The following SMG1 variants were observed in gnomAD, a reference collection of about 807,000 sequenced individuals.
The protein encoded by SMG1 is SMG1 nonsense mediated mRNA decay associated PI3K related kinase, also known as serine/threonine-protein kinase SMG1.
SMG1 carries 22 observed loss-of-function variants against 419.9 expected under a neutral mutation model. The observed-to-expected ratio is 0.05, with a 90% CI of 0.04 to 0.07. The LOEUF (loss-of-function observed/expected upper bound fraction) is 0.07, where lower values mean the gene tolerates loss of function less well. Among genes scored for constraint, SMG1 ranks in the 10% least tolerant of loss-of-function variants. The probability of loss-of-function intolerance (pLI) is 1.00; values close to 1 mark genes in which losing one functional copy is unlikely to be tolerated. For synonymous variants in SMG1, 1,538 were observed against 1,553.5 expected (o/e 0.99, Z 0.23); for missense variants, 3,185 against 4,342.0 (o/e 0.73, Z 7.49).
At position 18,834,452 on chromosome 16, in the gene SMG1, A is replaced by G. The variant is rs143227223; in HGVS notation, c.8331-14T>C. ...ATCAGGTTACGCCTACAAGAGATAA[A>G]TATCTGTACAGTGAAACTTAAATGT... On this transcript the variant is annotated splice_polypyrimidine_tract_variant and intron_variant, in intron 49 of 62. Coordinates refer to ENST00000446231, the MANE Select transcript of SMG1 (RefSeq NM_015092.5). The G allele has an allele frequency of 2.2e-5, 35 of 1,606,486 alleles. No individual in the cohort carries two copies. The highest frequency in any genetic ancestry group is 6.8e-5 in the Admixed American group (4 of 59,190).
intron 23 of SMG1, chr16:18,866,410 T>C (rs1340851247): frequency 5.1e-6 from 3 of 591,894 alleles, no homozygotes; most frequent in Non-Finnish European, 9.0e-6. Flanking sequence ...ACAGTGTGAT[T>C]TGCCACTAAT....
At chr16:18,855,834 C>G (rs180910680) in intron 29 of SMG1, among the ~76,000 whole-genome samples, 9 of 152,192 alleles carry the variant, frequency 5.9e-5, no homozygotes, top group Non-Finnish European at 1.0e-4. Flanking sequence ...AAGGGTAAAT[C>G]TGAACATTTC....
At position 18,886,123 on chromosome 16, in the gene SMG1, C is replaced by CT. The variant is rs1290325856; in HGVS notation, c.823-458dup. On this transcript the variant is annotated intron_variant, in intron 6 of 62. Transcript: ENST00000446231. ...TGTTTACAATATCCCTAAATGCTCTCTTTAAGATTCTACCTGTGATTAAAT... is the reference window on the plus strand; with the variant it reads ...TGTTTACAATATCCCTAAATGCTCTCTTTTAAGATTCTACCTGTGATTAAAT... Among the ~76,000 whole-genome samples the CT allele has an allele frequency of 3.9e-5, 6 of 151,912 alleles. No individual in the cohort carries two copies. In the East Asian group the frequency reaches 1.2e-3, roughly 29 times the overall value.
At chr16:18,880,620 T>G (rs1163986227) in intron 10 of SMG1, among the ~76,000 whole-genome samples, 2 of 145,090 alleles carry the variant, frequency 1.4e-5, no homozygotes, top group African/African-American at 5.2e-5. Flanking sequence ...GAGGCTGAGG[T>G]GGGAGGATCA....
intron 55 of SMG1, among the ~76,000 whole-genome samples, chr16:18,821,253 T>TTTTTTTTTTTTTTTTTTTTTTTC (rs2032535390): frequency 4.0e-5 from 1 of 24,846 alleles, no homozygotes; most frequent in African/African-American, 2.3e-4. Context: ...TTTTTTTTTC[T>TTTTTTTTTTTTTTTTTTTTTTTC]TTTTTTTTTT....
chr16:18,834,784 T>C lies in SMG1; in HGVS notation c.8330+108A>G. ...AGATAACTAAAATCTGAAAAGCAAG[T>C]AAGCAGCTGTAACACTTGGCAAGAC... On this transcript the variant is annotated intron_variant, in intron 49 of 62. Coordinates refer to ENST00000446231, the MANE Select transcript of SMG1 (RefSeq NM_015092.5). 3.3e-6 allele frequency: 4 copies of C among 1,196,366 alleles called. No individual in the cohort carries two copies. In the South Asian group the frequency reaches 5.9e-5, roughly 18 times the overall value. The allele number at this position is 1,196,366 out of a possible 1,614,324, so 74.1% of individuals were successfully genotyped here.
chr16:18,842,205 T>C lies in SMG1; in HGVS notation c.6466+3A>G. The C allele has an allele frequency of 6.2e-7, 1 of 1,610,960 alleles. No individual in the cohort carries two copies. The highest frequency in any genetic ancestry group is 2.2e-5 in the East Asian group (1 of 44,842). On this transcript the variant is annotated splice_donor_region_variant and intron_variant, in intron 40 of 62. Transcript: ENST00000446231. ...GAAAAATGGAGGAAGTCTTAAATCC[T>C]ACCTTTGAAAAGATAAGGATAGCTC...
intron 58 of SMG1, chr16:18,815,889 G>T (rs893839373): frequency 5.9e-6 from 3 of 509,510 alleles, no homozygotes; most frequent in African/African-American, 5.8e-5. Context: ...GCCTTTTCTG[G>T]AGGCTTAGTT....
At chr16:18,844,882 C>T (rs996005365) in intron 39 of SMG1, among the ~76,000 whole-genome samples, 33 of 151,996 alleles carry the variant, frequency 2.2e-4, no homozygotes, top group African/African-American at 8.0e-4. Flanking sequence ...AAGATAAAGA[C>T]CTAAGAGAAT....
chr16:18,817,566 T>G, intron 56 of SMG1, 96 bp from the exon 57 acceptor site: 1 of 1,018,298 alleles, frequency 9.8e-7, no homozygotes, highest in Non-Finnish European at 1.4e-6. Context: ...CTTCCTCATT[T>G]TGAGAATTCA....
intron 56 of SMG1, 92 bp from the exon 57 acceptor site, chr16:18,817,562 C>CAA (rs991245370): frequency 1.7e-5 from 18 of 1,038,682 alleles, no homozygotes; most frequent in Non-Finnish European, 2.0e-5. Flanking sequence ...ACTACTTCCT[C>CAA]ATTTTGAGAA....
In SMG1 at chr16:18,838,077, G is replaced by A; in HGVS notation, c.7350C>T (p.Ser2450=). Residue 2450 remains serine (S), a synonymous_variant, in exon 45 of 63, where the codon AGC becomes AGT. Transcript: ENST00000446231. ...TGATCTCTCGCTCCATCTCTCTCTT[G>A]CTCTGCTTGCTCTCGGCCTGCTGGC... ...GGGQQAESKQ[S]KREMEREITR... 1 of 1,613,902 alleles carries A rather than the reference G, an allele frequency of 6.2e-7. No homozygotes were observed. The highest frequency in any genetic ancestry group is 1.1e-5 in the South Asian group (1 of 91,084).
At chr16:18,847,713 T>C (rs1166686792) in intron 37 of SMG1, 103 bp downstream of exon 37, 2 of 1,571,006 alleles carry the variant, frequency 1.3e-6, no homozygotes, top group African/African-American at 1.4e-5. Flanking sequence ...GTGCTCATTA[T>C]ACAATTGGAG....
chr16:18,834,514 T>A, intron 49 of SMG1, 76 bp from the exon 50 acceptor site: 11 of 1,364,732 alleles, frequency 8.1e-6, no homozygotes, highest in Non-Finnish European at 1.1e-5. Flanking sequence ...GTCAAGGCCA[T>A]GCCTGTAATT....
chr16:18,876,108 A>G lies in SMG1; in HGVS notation c.1890+16T>C. On this transcript the variant is annotated intron_variant, in intron 13 of 62. Transcript: ENST00000446231. ...TAACTGTGGATAAAACAAAGTCATT[A>G]CAATTAAAGACTCACCCCTATTAGT... 1.9e-6 allele frequency: 3 copies of G among 1,611,184 alleles called. No homozygotes were observed. The highest frequency in any genetic ancestry group is 1.7e-6 in the Non-Finnish European group (2 of 1,179,206).
intron 36 of SMG1, among the ~76,000 whole-genome samples, chr16:18,848,801 G>C (rs1402352585): frequency 6.6e-6 from 1 of 151,812 alleles, no homozygotes; most frequent in Non-Finnish European, 1.5e-5. Flanking sequence ...AGCCGGGCAC[G>C]GTGGCTCATA....
intron 1 of SMG1, among the ~76,000 whole-genome samples, chr16:18,919,999 G>A (rs920637190): frequency 2.0e-5 from 3 of 151,776 alleles, no homozygotes; most frequent in African/African-American, 7.3e-5. Flanking sequence ...GCTGAGGCAC[G>A]TGAATCACTT....
chr16:18,926,027 G>A lies in SMG1; in HGVS notation c.15C>T (p.Ala5=). The change falls in exon 1 of 63, where the codon GCC becomes GCT. Residue 5 remains alanine (A), a synonymous_variant. Coordinates refer to ENST00000446231, the MANE Select transcript of SMG1 (RefSeq NM_015092.5). ...CGCCGCTGCTCAGCCGAGACCCCGG[G>A]GCTCTGCGGCTCATTACCTTCCCCG... MSRR[A]PGSRLSSGGG... 1 of 1,574,542 alleles carries A rather than the reference G, an allele frequency of 6.4e-7. No homozygotes were observed. The highest frequency in any genetic ancestry group is 8.6e-7 in the Non-Finnish European group (1 of 1,168,444).
At position 18,845,564 on chromosome 16, in the gene SMG1, T is replaced by C. The variant is rs373102853; in HGVS notation, c.6084A>G (p.Thr2028=). The C allele has an allele frequency of 6.8e-6, 11 of 1,613,904 alleles. No individual in the cohort carries two copies. The highest frequency in any genetic ancestry group is 6.7e-5 in the African/African-American group (5 of 75,036). Residue 2028 remains threonine, a synonymous_variant, in exon 39 of 63, where the codon ACA becomes ACG. Coordinates refer to ENST00000446231, the MANE Select transcript of SMG1 (RefSeq NM_015092.5). ...CATGAGGTGTTTCTGCAGGAGCCGCTGTGATACTCCTCACATGCTCCAAAG... is the reference window on the plus strand; with the variant it reads ...CATGAGGTGTTTCTGCAGGAGCCGCCGTGATACTCCTCACATGCTCCAAAG... ...VFALEHVRSI[T]AAPAETPHEK...
Sources: gnomAD v4.1 joint callset for allele counts (sites outside exome capture counted in the v4.1 genomes callset) on GRCh38, gnomAD v4.1.1 for gene constraint, MANE v1.5 for transcripts, NCBI Gene and HGNC (gene_info 2026-07-23, HGNC 2026-07-21) for gene names.